Variants in FITM1 observed in about 807,000 individuals in gnomAD.
FITM1 encodes fat storage-inducing transmembrane protein 1.
FITM1 carries 11 observed loss-of-function variants against 22.2 expected under a neutral mutation model. That is an observed-to-expected ratio of 0.50 (90% confidence interval 0.31 to 0.82). The LOEUF (loss-of-function observed/expected upper bound fraction) is 0.82. FITM1 is among the 40% of genes least tolerant of loss of function. FITM1 has a pLI of 0.04. For synonymous variants in FITM1, 164 were observed against 174.0 expected (o/e 0.94, Z 0.45); for missense variants, 394 against 386.4 (o/e 1.02, Z -0.17).
chr14:24,132,707 G>A lies in FITM1; in HGVS notation c.763G>A (p.Val255Met). ...CACTCACAAGGTGGTGGGCGCCGCA[G>A]TGGGCACCTTTGCCTGGTACCTCAC... The part of the protein sequence containing the change: ...QYTHKVVGAA[V>M]GTFAWYLTYG... The change falls in exon 2 of 2, where the codon GTG becomes ATG. Residue 255 changes from valine to methionine, a missense_variant. Physicochemically the swap from Val to Met is conservative, Grantham distance 21 (BLOSUM62 1). Transcript: ENST00000267426. The A allele has an allele frequency of 6.2e-7, 1 of 1,613,930 alleles. No individual in the cohort carries two copies. The highest frequency in any genetic ancestry group is 8.5e-7 in the Non-Finnish European group (1 of 1,180,014).
In FITM1 at chr14:24,131,741, C is replaced by T; in HGVS notation, c.178C>T (p.Leu60=). The part of the protein sequence containing the change: ...PCLRRLYHAW[L]AAVVIFGPLL... ...CTTACGGCGCCTCTACCATGCCTGG[C>T]TGGCAGCAGTGGTCATCTTTGGGCC... The change falls in exon 1 of 2, where the codon CTG becomes TTG. Residue 60 remains leucine, a synonymous_variant. Coordinates refer to ENST00000267426, the MANE Select transcript of FITM1 (RefSeq NM_203402.3). 1 of 1,614,156 alleles carries T rather than the reference C, an allele frequency of 6.2e-7. No individual in the cohort carries two copies. The highest frequency in any genetic ancestry group is 8.5e-7 in the Non-Finnish European group (1 of 1,180,036).
rs752979100 is a variant in FITM1, at chr14:24,132,612, T to C, written c.668T>C (p.Leu223Pro). ...GGCGCCCCACTGCGCCTTGTCTTCCTGCTGAACGTGCTGCTGCTGGGCCTC... is the reference window on the plus strand; with the variant it reads ...GGCGCCCCACTGCGCCTTGTCTTCCCGCTGAACGTGCTGCTGCTGGGCCTC... The part of the protein sequence containing the change: ...PAGAPLRLVF[L>P]LNVLLLGLWN... The change falls in exon 2 of 2, where the codon CTG becomes CCG. Residue 223 changes from leucine to proline, a missense_variant. Coordinates refer to ENST00000267426, the MANE Select transcript of FITM1 (RefSeq NM_203402.3). 6.2e-7 allele frequency: 1 copy of C among 1,612,374 alleles called. No individual in the cohort carries two copies. Among genetic ancestry groups the C allele is most frequent in the African/African-American group, 1.3e-5 (1 of 74,948 alleles).
Position 24,132,262 on chromosome 14 carries a change from T to G in FITM1, c.318T>G (p.Phe106Leu), listed in dbSNP as rs1311654159. 3 of 1,613,298 alleles carry G rather than the reference T, an allele frequency of 1.9e-6. No homozygotes were observed. The highest frequency in any genetic ancestry group is 2.2e-5 in the East Asian group (1 of 44,898). Reference sequence around the variant, plus strand: ...GGACATGCACTTTCTTAGGGGGCTTTGTGTTGCTGGTGGTGTTCCTGGCTA... The same window carrying G: ...GGACATGCACTTTCTTAGGGGGCTTGGTGTTGCTGGTGGTGTTCCTGGCTA... The part of the protein sequence containing the change: ...WGWTCTFLGG[F>L]VLLVVFLATR... The change falls in exon 2 of 2, where the codon TTT (phenylalanine) becomes TTG (leucine). Residue 106 changes from phenylalanine to leucine, a missense_variant. Physicochemically the swap from Phe to Leu is conservative, Grantham distance 22. Coordinates refer to ENST00000267426, the MANE Select transcript of FITM1 (RefSeq NM_203402.3).
Position 24,130,914 on chromosome 14 carries a change from C to T in FITM1, c.-650C>T, listed in dbSNP as rs867167637. 6.6e-6 allele frequency among the ~76,000 whole-genome samples: 1 copy of T among 152,192 alleles called. No homozygotes were observed. The highest frequency in any genetic ancestry group is 1.5e-5 in the Non-Finnish European group (1 of 68,042). ...CAGCAGCCCTGGGCCAAACTAGTCC[C>T]TTAGAGACCCTCAATCCAGACAGGA... On this transcript the variant is annotated 5_prime_UTR_variant, in exon 1 of 2. Transcript: ENST00000267426.
At position 24,132,370 on chromosome 14, in the gene FITM1, C is replaced by G. The variant is rs1566598714; in HGVS notation, c.426C>G (p.Phe142Leu). The G allele has an allele frequency of 1.2e-6, 2 of 1,613,514 alleles. No individual in the cohort carries two copies. Among genetic ancestry groups the G allele is most frequent in the Non-Finnish European group, 1.7e-6 (2 of 1,179,848 alleles). ...TGTGGCGGGGAGCCGGCCGGGCCTTCCTGCTCATCGAGGACCTGACTGGCT... is the reference window on the plus strand; with the variant it reads ...TGTGGCGGGGAGCCGGCCGGGCCTTGCTGCTCATCGAGGACCTGACTGGCT... ...AAVWRGAGRA[F>L]LLIEDLTGSC... The change falls in exon 2 of 2, where the codon TTC becomes TTG. Residue 142 changes from phenylalanine to leucine, a missense_variant. Transcript: ENST00000267426.
Position 24,132,447 on chromosome 14 carries a change from G to T in FITM1, c.503G>T (p.Arg168Leu). ...CTGCTGCTCCACGAGCTGCCTGACC[G>T]CCGCAGCTGCCTGGCAGCCGGCCAC... The part of the protein sequence containing the change: ...QGLLLHELPD[R>L]RSCLAAGHQW... Residue 168 changes from arginine to leucine, a missense_variant, in exon 2 of 2, where the codon CGC (arginine) becomes CTC (leucine). Coordinates refer to ENST00000267426, the MANE Select transcript of FITM1 (RefSeq NM_203402.3). 6.2e-7 allele frequency: 1 copy of T among 1,606,348 alleles called. No homozygotes were observed. The highest frequency in any genetic ancestry group is 8.5e-7 in the Non-Finnish European group (1 of 1,179,944).
chr14:24,131,548 G>A lies in FITM1; in HGVS notation c.-16G>A, dbSNP rs1172438252. 2.0e-5 allele frequency: 31 copies of A among 1,553,974 alleles called. No individual in the cohort carries two copies. The highest frequency in any genetic ancestry group is 7.1e-5 in the East Asian group (3 of 42,464). On this transcript the variant is annotated 5_prime_UTR_variant, in exon 1 of 2. Coordinates refer to ENST00000267426, the MANE Select transcript of FITM1 (RefSeq NM_203402.3). ...CTGCCCAGCAAAGCAAGCAGTTAGT[G>A]GGGAGGGGAGGGAACATGGAGCGGG...
At chr14:24,131,991 G>C in intron 1 of FITM1, 162 bp downstream of exon 1, 1 of 1,246,174 alleles carries the variant, frequency 8.0e-7, no homozygotes, top group East Asian at 2.5e-5. Context: ...TGGGGTACAG[G>C]GGAAGTTGGG....
At chr14:24,131,870 CTG>C (rs2037825105) in intron 1 of FITM1, 41 bp downstream of exon 1, 2 of 1,532,270 alleles carry the variant, frequency 1.3e-6, no homozygotes. Context: ...TCCCTGCACT[CTG>C]GGATCCTAGC....
chr14:24,131,583 T>C lies in FITM1; in HGVS notation c.20T>C (p.Val7Ala), dbSNP rs1594348208. MERGPV[V>A]GAGLGAGARI... ...GGGAACATGGAGCGGGGGCCGGTGG[T>C]GGGGGCAGGACTGGGGGCCGGGGCC... is the stretch of plus-strand genomic sequence containing the variant. Residue 7 changes from valine to alanine, a missense_variant, in exon 1 of 2, where the codon GTG becomes GCG. Coordinates refer to ENST00000267426, the MANE Select transcript of FITM1 (RefSeq NM_203402.3). The C allele has an allele frequency of 8.8e-7, 1 of 1,129,976 alleles. No homozygotes were observed. The highest frequency in any genetic ancestry group is 1.6e-5 in the African/African-American group (1 of 63,372). 70.0% of individuals were successfully genotyped at this position (1,129,976 alleles called of 1,614,324 possible).
Position 24,131,595 on chromosome 14 carries a change from TG to T in FITM1, c.37del (p.Ala13ProfsTer77). The T allele has an allele frequency of 1.4e-6, 2 of 1,438,964 alleles. No individual in the cohort carries two copies. The highest frequency in any genetic ancestry group is 9.7e-7 in the Non-Finnish European group (1 of 1,030,532). 89.1% of individuals were successfully genotyped at this position (1,438,964 alleles called of 1,614,324 possible). On this transcript the variant is annotated frameshift_variant, in exon 1 of 2. Transcript: ENST00000267426. LOFTEE classifies it high-confidence loss of function. ...CGGGGGCCGGTGGTGGGGGCAGGAC[TG>T]GGGGCCGGGGCCCGAATCCAGGCAC... is the stretch of plus-strand genomic sequence containing the variant. The part of the protein sequence containing the change: MERGPVVGAG[L>X]GAGARIQALL...
In FITM1 at chr14:24,132,810, G is replaced by T; in HGVS notation, c.866G>T (p.Arg289Leu). 3 of 1,608,890 alleles carry T rather than the reference G, an allele frequency of 1.9e-6. No homozygotes were observed. The highest frequency in any genetic ancestry group is 3.3e-4 in the Middle Eastern group (2 of 6,042). ...CTCTTCCCCCGTCCCCACTCCAGCC[G>T]CAAGCATAACTGAAAGAAATAAAAA... ...HGLFPRPHSS[R>L]KHN The change falls in exon 2 of 2, where the codon CGC becomes CTC. Residue 289 changes from arginine to leucine, a missense_variant. Arg to Leu is a moderately radical substitution (Grantham distance 102). Transcript: ENST00000267426.
In FITM1 at chr14:24,131,555, G is replaced by A. The variant is rs1428512414; in HGVS notation, c.-9G>A. On this transcript the variant is annotated 5_prime_UTR_variant, in exon 1 of 2. Coordinates refer to ENST00000267426, the MANE Select transcript of FITM1 (RefSeq NM_203402.3). ...GCAAAGCAAGCAGTTAGTGGGGAGG[G>A]GAGGGAACATGGAGCGGGGGCCGGT... 1 of 1,560,454 alleles carries A rather than the reference G, an allele frequency of 6.4e-7. No individual in the cohort carries two copies. The highest frequency in any genetic ancestry group is 8.7e-7 in the Non-Finnish European group (1 of 1,153,612).
chr14:24,132,362 C>T lies in FITM1; in HGVS notation c.418C>T (p.Arg140Trp), dbSNP rs768687904. The change falls in exon 2 of 2, where the codon CGG becomes TGG. Residue 140 changes from arginine (R) to tryptophan (W), a missense_variant. Coordinates refer to ENST00000267426, the MANE Select transcript of FITM1 (RefSeq NM_203402.3). ...GGCAGCCGTGTGGCGGGGAGCCGGC[C>T]GGGCCTTCCTGCTCATCGAGGACCT... The part of the protein sequence containing the change: ...VGAAVWRGAG[R>W]AFLLIEDLTG... The T allele has an allele frequency of 5.0e-5, 80 of 1,613,702 alleles. No individual in the cohort carries two copies. Among genetic ancestry groups the T allele is most frequent in the Middle Eastern group, 4.9e-4 (3 of 6,082 alleles).
Position 24,131,500 on chromosome 14 carries a change from G to A in FITM1, c.-64G>A, listed in dbSNP as rs952711089. ...GTCACTGCCTATCCTTGTCCAGGGGGGGCCCCATCAGCCCCTCCTCAGCTG... is the reference window on the plus strand; with the variant it reads ...GTCACTGCCTATCCTTGTCCAGGGGAGGCCCCATCAGCCCCTCCTCAGCTG... On this transcript the variant is annotated 5_prime_UTR_variant, in exon 1 of 2. Transcript: ENST00000267426. 1.1e-4 allele frequency: 169 copies of A among 1,487,818 alleles called. No individual in the cohort carries two copies. The highest frequency in any genetic ancestry group is 1.5e-4 in the Non-Finnish European group (165 of 1,097,484). 92.2% of individuals were successfully genotyped at this position (1,487,818 alleles called of 1,614,324 possible). A position where few individuals can be genotyped will look rare whatever the true frequency, so the allele number is the denominator to read the frequency against.
At chr14:24,132,126 G>A in intron 1 of FITM1, 85 bp from the exon 2 acceptor site, 2 of 1,549,888 alleles carry the variant, frequency 1.3e-6, no homozygotes, top group African/African-American at 1.4e-5. Context: ...GATGTGTAGG[G>A]TTGGGGAGAG....
At position 24,132,293 on chromosome 14, in the gene FITM1, C is replaced by T. The variant is rs1264323286; in HGVS notation, c.349C>T (p.Arg117Cys). Residue 117 changes from arginine (R) to cysteine (C), a missense_variant, in exon 2 of 2, where the codon CGC becomes TGC. Coordinates refer to ENST00000267426, the MANE Select transcript of FITM1 (RefSeq NM_203402.3). Reference protein sequence around the residue: ...VLLVVFLATRRVAVTARHLSR... With the variant: ...VLLVVFLATRCVAVTARHLSR... The stretch of plus-strand genomic sequence containing the variant: ...GCTGGTGGTGTTCCTGGCTACACGG[C>T]GCGTGGCAGTAACTGCCAGACACCT... 5.6e-6 allele frequency: 9 copies of T among 1,613,770 alleles called. No homozygotes were observed. Among genetic ancestry groups the T allele is most frequent in the East Asian group, 2.2e-5 (1 of 44,890 alleles).
rs550913407 is a variant in FITM1, at chr14:24,131,237, A to G, written c.-327A>G. 8 of 576,020 alleles carry G rather than the reference A, an allele frequency of 1.4e-5. No homozygotes were observed. In the South Asian group the frequency reaches 1.7e-4, roughly 12 times the overall value. 35.7% of individuals were successfully genotyped at this position (576,020 alleles called of 1,614,324 possible). A position where few individuals can be genotyped will look rare whatever the true frequency, so the allele number is the denominator to read the frequency against. On this transcript the variant is annotated 5_prime_UTR_variant, in exon 1 of 2. It removes an upstream start codon present in the reference 5' UTR. Transcript: ENST00000267426. ...GGGTGGAGAGGGACTTTGGCAGACT[A>G]TGGACAAGGACAGCCCTGAACAGCT...
At position 24,131,697 on chromosome 14, in the gene FITM1, G is replaced by A. The variant is rs766629126; in HGVS notation, c.134G>A (p.Arg45His). ...TACTTTGGAAGCGAACAGGCCGCCC[G>A]CCTTCTGGGCAGCCCCTGCTTACGG... ...LLYFGSEQAARLLGSPCLRRL... is the reference protein window; with the variant it reads ...LLYFGSEQAAHLLGSPCLRRL... Residue 45 changes from arginine (R) to histidine (H), a missense_variant, in exon 1 of 2, where the codon CGC (arginine) becomes CAC (histidine). Physicochemically the swap from Arg to His is conservative, Grantham distance 29. Coordinates refer to ENST00000267426, the MANE Select transcript of FITM1 (RefSeq NM_203402.3). 6 of 1,614,140 alleles carry A rather than the reference G, an allele frequency of 3.7e-6. No homozygotes were observed. The highest frequency in any genetic ancestry group is 3.3e-5 in the South Asian group (3 of 91,072).
Sources: allele counts gnomAD v4.1 joint callset (sites outside exome capture counted in the v4.1 genomes callset), GRCh38; gene constraint gnomAD v4.1.1; transcripts MANE v1.5; gene names NCBI Gene and HGNC (gene_info 2026-07-23, HGNC 2026-07-21).